The following MIR2052HG variants were observed in gnomAD, a reference collection of about 807,000 sequenced individuals.
MIR2052HG encodes the protein MIR2052 host gene.
intron 4 of MIR2052HG, among the ~76,000 whole-genome samples, chr8:74,708,073 T>C (rs747439787): frequency 2.0e-5 from 3 of 152,126 alleles, no homozygotes; most frequent in African/African-American, 7.2e-5. Context: ...AGTTCTTCAA[T>C]AGAGAGTCTT....
At chr8:74,746,819 T>C (rs1409668934) in intron 4 of MIR2052HG, among the ~76,000 whole-genome samples, 1 of 152,012 alleles carries the variant, frequency 6.6e-6, no homozygotes, top group East Asian at 1.9e-4. Flanking sequence ...TTGAAAAAGG[T>C]AACAGTATGA....
intron 4 of MIR2052HG, among the ~76,000 whole-genome samples, chr8:74,721,383 T>C (rs188669092): frequency 1.3e-5 from 2 of 152,320 alleles, no homozygotes; most frequent in East Asian, 1.9e-4. Flanking sequence ...ATAAGAATGA[T>C]TTATTTGCTC....
At chr8:74,709,578 C>T (rs1250933865) in intron 4 of MIR2052HG, among the ~76,000 whole-genome samples, 1 of 151,996 alleles carries the variant, frequency 6.6e-6, no homozygotes, top group Non-Finnish European at 1.5e-5. Flanking sequence ...TTGATTTCTT[C>T]ATTGGGGCAA....
intron 4 of MIR2052HG, among the ~76,000 whole-genome samples, chr8:74,750,509 A>G (rs1484370946): frequency 6.6e-6 from 1 of 152,214 alleles, no homozygotes; most frequent in Non-Finnish European, 1.5e-5. Flanking sequence ...TATAATATTA[A>G]AGACAAATGT....
intron 4 of MIR2052HG, among the ~76,000 whole-genome samples, chr8:74,750,630 C>A (rs1809934790): frequency 1.3e-5 from 2 of 152,140 alleles, no homozygotes; most frequent in Non-Finnish European, 2.9e-5. Context: ...CTTGAAAGGA[C>A]AACTAATGTC....
At chr8:74,722,986 C>T (rs1262554939) in intron 4 of MIR2052HG, among the ~76,000 whole-genome samples, 3 of 152,192 alleles carry the variant, frequency 2.0e-5, no homozygotes, top group Non-Finnish European at 4.4e-5. Context: ...TGTGTGTTAA[C>T]ACCTGATGGG....
chr8:74,601,222 A>G (rs890714495), intron 1 of MIR2052HG, among the ~76,000 whole-genome samples: 5 of 152,194 alleles, frequency 3.3e-5, no homozygotes, highest in Non-Finnish European at 7.3e-5. Context: ...TTCATAGTCC[A>G]CTACCATTTG....
At chr8:74,756,886 A>G (rs1810010986) in intron 5 of MIR2052HG, 1 of 152,242 alleles carries the variant, frequency 6.6e-6, no homozygotes. Context: ...TACTTACCAT[A>G]TGAACAAGTG....
At chr8:74,637,414 AAC>A (rs1397488101) in intron 2 of MIR2052HG, among the ~76,000 whole-genome samples, 2 of 151,960 alleles carry the variant, frequency 1.3e-5, no homozygotes, top group Non-Finnish European at 2.9e-5. Flanking sequence ...CAAACACTCA[AAC>A]ACACACATGT....
At chr8:74,702,040 G>T (rs1424219799) in intron 2 of MIR2052HG, among the ~76,000 whole-genome samples, 1 of 151,994 alleles carries the variant, frequency 6.6e-6, no homozygotes, top group African/African-American at 2.4e-5. Flanking sequence ...TGCCAGAACG[G>T]GTGTTTGCTT....
At chr8:74,730,064 T>C (rs1184935838) in intron 4 of MIR2052HG, among the ~76,000 whole-genome samples, 1 of 152,182 alleles carries the variant, frequency 6.6e-6, no homozygotes, top group Non-Finnish European at 1.5e-5. Context: ...AGCTGAGTAA[T>C]TGTTCAAGCC....
intron 4 of MIR2052HG, among the ~76,000 whole-genome samples, chr8:74,722,908 A>G (rs186596701): frequency 3.3e-5 from 5 of 152,334 alleles, no homozygotes; most frequent in African/African-American, 1.2e-4. Context: ...CCAACTGACC[A>G]CGCTCTTAAC....
intron 2 of MIR2052HG, among the ~76,000 whole-genome samples, chr8:74,645,258 C>T (rs1586901900): frequency 2.0e-5 from 3 of 150,756 alleles, no homozygotes; most frequent in South Asian, 2.1e-4. Flanking sequence ...GAAGCACCAT[C>T]GAGTTCATAG....
chr8:74,701,171 A>G (rs1809353818), intron 2 of MIR2052HG, among the ~76,000 whole-genome samples: 1 of 152,108 alleles, frequency 6.6e-6, no homozygotes. Context: ...TGAGAATTTG[A>G]TAAATATTTA....
Position 74,674,628 on chromosome 8 carries a change from G to A in MIR2052HG, n.217-27751G>A, listed in dbSNP as rs531284818. On this transcript the variant is annotated intron_variant and non_coding_transcript_variant, in intron 2 of 6. Coordinates refer to ENST00000523442, the Ensembl canonical transcript of MIR2052HG. ...CTTTCTGTGGTCTTCTAGTTCATCA[G>A]TGGTATAACTTAGATCTCTCTCATA... Among the ~76,000 whole-genome samples, 50 of 151,992 alleles carry A rather than the reference G, an allele frequency of 3.3e-4. 1 individual carries two copies. The highest frequency in any genetic ancestry group is 1.2e-3 in the African/African-American group (49 of 41,490).
intron 2 of MIR2052HG, among the ~76,000 whole-genome samples, chr8:74,630,199 C>G (rs979670439): frequency 6.6e-6 from 1 of 151,968 alleles, no homozygotes; most frequent in African/African-American, 2.4e-5. Flanking sequence ...TATTTTTGTT[C>G]AGCTCAAAAT....
At chr8:74,745,917 C>T (rs1280948846) in intron 4 of MIR2052HG, among the ~76,000 whole-genome samples, 3 of 152,108 alleles carry the variant, frequency 2.0e-5, no homozygotes, top group African/African-American at 7.2e-5. Context: ...GTTAGTTCTC[C>T]CAGCAATTCT....
intron 4 of MIR2052HG, among the ~76,000 whole-genome samples, chr8:74,744,215 C>CA (rs1809859032): frequency 6.6e-6 from 1 of 151,796 alleles, no homozygotes; most frequent in African/African-American, 2.4e-5. Flanking sequence ...AGTGTCTATC[C>CA]AAAAACTATA....
chr8:74,656,048 C>G (rs1252099685), intron 2 of MIR2052HG, among the ~76,000 whole-genome samples: 1 of 152,024 alleles, frequency 6.6e-6, no homozygotes, highest in South Asian at 2.1e-4. Context: ...TTGCGTGGGC[C>G]CTGTAACCCC....
Sources: allele counts gnomAD v4.1 joint callset (sites outside exome capture counted in the v4.1 genomes callset), GRCh38; gene constraint gnomAD v4.1.1; transcripts MANE v1.5; gene names NCBI Gene and HGNC (gene_info 2026-07-23, HGNC 2026-07-21).